CYFIP2: variants seen among roughly 807,000 people sequenced by gnomAD.
The protein encoded by CYFIP2 is cytoplasmic FMR1-interacting protein 2.
In CYFIP2, 29 loss-of-function variants were observed where a neutral mutation model predicts 158.7. The ratio of observed to expected loss-of-function variants is 0.18; its 90% CI spans 0.14 to 0.25. The LOEUF (loss-of-function observed/expected upper bound fraction) is 0.25, where lower values mean the gene tolerates loss of function less well. CYFIP2 is among the 10% of genes least tolerant of loss of function. The probability of loss-of-function intolerance (pLI) is 1.00; values close to 1 mark genes in which losing one functional copy is unlikely to be tolerated. For synonymous variants in CYFIP2, 585 were observed against 617.6 expected (o/e 0.95, Z 0.78); for missense variants, 852 against 1,639.5 (o/e 0.52, Z 8.29).
chr5:157,282,404 C>CT (rs1374589807), intron 1 of CYFIP2, among the ~76,000 whole-genome samples: 1 of 152,228 alleles, frequency 6.6e-6, no homozygotes, highest in Non-Finnish European at 1.5e-5. Context: ...CATGAGGGAC[C>CT]TGCCCACATG....
chr5:157,333,758 A>T (rs1197055901), intron 21 of CYFIP2, among the ~76,000 whole-genome samples: 1 of 152,206 alleles, frequency 6.6e-6, no homozygotes, highest in African/African-American at 2.4e-5. Flanking sequence ...GAAGCTAGGG[A>T]AAATTGCACA....
chr5:157,309,725 T>C lies in CYFIP2; in HGVS notation c.901-18T>C, dbSNP rs1324639759. The C allele has an allele frequency of 6.3e-7, 1 of 1,587,840 alleles. No homozygotes were observed. The highest frequency in any genetic ancestry group is 8.6e-7 in the Non-Finnish European group (1 of 1,166,884). On this transcript the variant is annotated intron_variant, in intron 9 of 30. Coordinates refer to ENST00000620254, the MANE Select transcript of CYFIP2 (RefSeq NM_001037333.3). ...CCCCTCCTCAGCATCTCACGAGCTG[T>C]GTTTGCTTCCTTTGCAGCAGCTGCA...
At chr5:157,378,930 T>G (rs2113488747) in intron 26 of CYFIP2, among the ~76,000 whole-genome samples, 1 of 152,350 alleles carries the variant, frequency 6.6e-6, no homozygotes, top group Middle Eastern at 3.4e-3. Context: ...CTTAATTCCA[T>G]TAAGTTCTTA....
intron 19 of CYFIP2, among the ~76,000 whole-genome samples, chr5:157,329,053 TG>T (rs1761244328): frequency 6.6e-6 from 1 of 152,284 alleles, no homozygotes; most frequent in African/African-American, 2.4e-5. Flanking sequence ...GAAAAGGATT[TG>T]CTTCATTTTG....
intron 1 of CYFIP2, among the ~76,000 whole-genome samples, chr5:157,273,142 A>G (rs1446938368): frequency 6.6e-6 from 1 of 152,188 alleles, no homozygotes. Flanking sequence ...CTGGGATTAC[A>G]GGCACGAGCC....
At chr5:157,335,525 C>A (rs1184723555) in intron 21 of CYFIP2, among the ~76,000 whole-genome samples, 1 of 152,184 alleles carries the variant, frequency 6.6e-6, no homozygotes, top group South Asian at 2.1e-4. Context: ...ATCTGCCTGC[C>A]TTGGCCTCCC....
At chr5:157,325,877 C>A in intron 17 of CYFIP2, 1 of 545,952 alleles carries the variant, frequency 1.8e-6, no homozygotes. Context: ...CAGCTATGCT[C>A]AGAAAAGAAT....
intron 28 of CYFIP2, among the ~76,000 whole-genome samples, chr5:157,385,723 C>T (rs189291362): frequency 1.1e-4 from 16 of 151,804 alleles, no homozygotes; most frequent in African/African-American, 3.6e-4. Context: ...CTTGTTATCA[C>T]GAGCAAATAA....
At chr5:157,316,130 A>G (rs1469689584) in intron 13 of CYFIP2, among the ~76,000 whole-genome samples, 2 of 152,150 alleles carry the variant, frequency 1.3e-5, no homozygotes, top group Admixed American at 6.5e-5. Context: ...ATATACCTAC[A>G]TGGAAGGCTA....
At chr5:157,357,480 T>C (rs1031389258) in intron 23 of CYFIP2, among the ~76,000 whole-genome samples, 44 of 152,308 alleles carry the variant, frequency 2.9e-4, no homozygotes, top group African/African-American at 9.9e-4. Context: ...ATCCCATAAA[T>C]TGCATGTTCC....
intron 20 of CYFIP2, among the ~76,000 whole-genome samples, chr5:157,332,412 T>G (rs1581079642): frequency 1.3e-5 from 2 of 152,230 alleles, no homozygotes; most frequent in South Asian, 4.1e-4. Context: ...TGTTCTTAAC[T>G]ATTTGAGAGT....
At chr5:157,335,826 T>C (rs1346190443) in intron 21 of CYFIP2, among the ~76,000 whole-genome samples, 10 of 152,200 alleles carry the variant, frequency 6.6e-5, no homozygotes, top group Non-Finnish European at 1.5e-5. Context: ...CTTTTTTGTT[T>C]ATCTGTATCT....
chr5:157,361,462 T>C lies in CYFIP2; in HGVS notation c.2909-6T>C. On this transcript the variant is annotated splice_polypyrimidine_tract_variant and splice_region_variant and intron_variant, in intron 25 of 30. Coordinates refer to ENST00000620254, the MANE Select transcript of CYFIP2 (RefSeq NM_001037333.3). The surrounding 1 kb of genome is among the most constrained non-coding windows in gnomAD (Gnocchi z 4.4). ...TTCCCACTGACCACCCCGATTCACC[T>C]CCCAGGGATCCTGGAGTTCTTCCAC... The C allele has an allele frequency of 6.2e-7, 1 of 1,613,812 alleles. No individual in the cohort carries two copies. Among genetic ancestry groups the C allele is most frequent in the Non-Finnish European group, 8.5e-7 (1 of 1,179,922 alleles).
Position 157,290,978 on chromosome 5 carries a change from A to G in CYFIP2, c.208-3805A>G, listed in dbSNP as rs529808140. ...GAGATGGGGGCTGAGTGATCACTGG[A>G]TCTGTCACTACATAAAATTTGAGCT... On this transcript the variant is annotated intron_variant, in intron 3 of 30. Coordinates refer to ENST00000620254, the MANE Select transcript of CYFIP2 (RefSeq NM_001037333.3). 3.3e-5 allele frequency among the ~76,000 whole-genome samples: 5 copies of G among 152,284 alleles called. No homozygotes were observed. The East Asian group carries it at 9.6e-4, about 29-fold the overall frequency.
At chr5:157,389,985 A>G (rs893904772) in intron 29 of CYFIP2, among the ~76,000 whole-genome samples, 33 of 152,306 alleles carry the variant, frequency 2.2e-4, no homozygotes, top group African/African-American at 7.9e-4. Flanking sequence ...AGGTCTCTTG[A>G]GAGTTGGGGG....
chr5:157,366,197 C>CTGAT (rs1487910858), intron 26 of CYFIP2, among the ~76,000 whole-genome samples: 20 of 152,272 alleles, frequency 1.3e-4, no homozygotes, highest in Non-Finnish European at 2.4e-4. Flanking sequence ...CCTAATGATG[C>CTGAT]TGATTCTCCT....
chr5:157,344,038 C>CT (rs909008525), intron 23 of CYFIP2, among the ~76,000 whole-genome samples: 1 of 152,056 alleles, frequency 6.6e-6, no homozygotes, highest in Non-Finnish European at 1.5e-5. Flanking sequence ...CTGCCCACTG[C>CT]TTTTTTTAGC....
At chr5:157,339,033 G>C (rs1407913043) in intron 21 of CYFIP2, 24 bp from the exon 22 acceptor site, 1 of 1,598,758 alleles carries the variant, frequency 6.3e-7, no homozygotes, top group Non-Finnish European at 8.5e-7. Context: ...GTCCTCAGCA[G>C]TTGTGGGCTC....
At position 157,304,535 on chromosome 5, in the gene CYFIP2, G is replaced by A. The variant is rs146530461; in HGVS notation, c.795+169G>A. The stretch of plus-strand genomic sequence containing the variant: ...TTCCTTTCCTGTAATATAATATACC[G>A]TAGTCACCTTTCCAGATGTCATTAA... On this transcript the variant is annotated intron_variant, in intron 8 of 30. Transcript: ENST00000620254. 132 of 682,080 alleles carry A rather than the reference G, an allele frequency of 1.9e-4. No individual in the cohort carries two copies. In the African/African-American group the frequency reaches 2.2e-3, roughly 11 times the overall value. 42.3% of individuals were successfully genotyped at this position (682,080 alleles called of 1,614,324 possible). A position where few individuals can be genotyped will look rare whatever the true frequency, so the allele number is the denominator to read the frequency against.
Sources: allele counts gnomAD v4.1 joint callset (sites outside exome capture counted in the v4.1 genomes callset), GRCh38; gene constraint gnomAD v4.1.1; non-coding constraint Gnocchi (gnomAD v3.1); transcripts MANE v1.5; gene names NCBI Gene and HGNC (gene_info 2026-07-23, HGNC 2026-07-21).